Variants in SLC9A7 observed in about 807,000 individuals in gnomAD.
SLC9A7 encodes the protein solute carrier family 9 member A7, also known as sodium/hydrogen exchanger 7.
A neutral mutation model predicts 52.6 loss-of-function variants in SLC9A7; 19 were observed. That is an observed-to-expected ratio of 0.36 (90% CI 0.25 to 0.53). The LOEUF is 0.53. Ranked by LOEUF, SLC9A7 falls within the 20% of genes least tolerant of loss-of-function variation. The pLI, the probability that SLC9A7 is intolerant of heterozygous loss-of-function variation, is 0.91. For synonymous variants in SLC9A7, 226 were observed against 252.1 expected (o/e 0.90, Z 0.98); for missense variants, 455 against 597.9 (o/e 0.76, Z 2.49).
chrX:46,737,128 G>T (rs1021269419), intron 1 of SLC9A7, among the ~76,000 whole-genome samples: 2 of 111,576 alleles, frequency 1.8e-5, no homozygotes, highest in African/African-American at 6.5e-5. Context: ...TCTTCCTGCA[G>T]ATTAAGACTT....
chrX:46,618,825 TC>T (rs1444493347), intron 15 of SLC9A7, among the ~76,000 whole-genome samples: 1 of 109,747 alleles, frequency 9.1e-6, no homozygotes. Flanking sequence ...GTGCCTGTAA[TC>T]CCAGCTACTC....
intron 7 of SLC9A7, among the ~76,000 whole-genome samples, chrX:46,655,202 C>G (rs1243351608): frequency 1.8e-5 from 2 of 110,571 alleles, no homozygotes. Context: ...CCAAGCTGGT[C>G]TCAAACTCCT....
At chrX:46,732,062 GA>G (rs995071724) in intron 1 of SLC9A7, among the ~76,000 whole-genome samples, 5 of 102,495 alleles carry the variant, frequency 4.9e-5, no homozygotes, top group Admixed American at 1.1e-4. Flanking sequence ...TCTACTGAAA[GA>G]AAAAAAAAAT....
chrX:46,730,691 TATATATA>T (rs1945022128), intron 1 of SLC9A7, among the ~76,000 whole-genome samples: 1 of 72,482 alleles, frequency 1.4e-5, no homozygotes, highest in Admixed American at 1.8e-4. Context: ...TATATATATA[TATATATA>T]TATATATATA....
In SLC9A7 at chrX:46,613,370, G is replaced by T. The variant is rs373934654; in HGVS notation, c.1848C>A (p.His616Gln). The T allele has an allele frequency of 4.2e-6, 5 of 1,199,462 alleles. No individual in the cohort carries two copies. The highest frequency in any genetic ancestry group is 5.6e-6 in the Non-Finnish European group (5 of 888,830). The change falls in exon 16 of 17, where the codon CAC becomes CAA. Residue 616 changes from histidine (H) to glutamine (Q), a missense_variant. By Grantham distance (24) the His-to-Gln change is conservative. Coordinates refer to ENST00000616978, the MANE Select transcript of SLC9A7 (RefSeq NM_001257291.2). ...GCGTGGTGGTTAGTGGGGGACCACT[G>T]TGTGTGAGGATGGGCTTCAGGTAAC... ...DHNYLKPILT[H>Q]SGPPLTTTLP...
At chrX:46,615,959 G>T (rs1942941140) in intron 15 of SLC9A7, among the ~76,000 whole-genome samples, 1 of 109,546 alleles carries the variant, frequency 9.1e-6, no homozygotes, top group African/African-American at 3.3e-5. Flanking sequence ...TATAACATTT[G>T]CTTTCTACTT....
At chrX:46,710,619 GAAAA>G (rs772756390) in intron 1 of SLC9A7, among the ~76,000 whole-genome samples, 1 of 109,628 alleles carries the variant, frequency 9.1e-6, no homozygotes, top group Non-Finnish European at 1.9e-5. Flanking sequence ...AATACTGTGG[GAAAA>G]AAAAGAGAGA....
intron 16 of SLC9A7, among the ~76,000 whole-genome samples, chrX:46,608,115 G>A (rs1014875677): frequency 8.9e-6 from 1 of 112,376 alleles, no homozygotes; most frequent in African/African-American, 3.2e-5. Flanking sequence ...CAGGGCCCCC[G>A]CGCAGTCACA....
intron 7 of SLC9A7, among the ~76,000 whole-genome samples, chrX:46,657,243 A>G (rs1198384244): frequency 1.8e-5 from 2 of 111,287 alleles, no homozygotes; most frequent in Non-Finnish European, 3.8e-5. Context: ...AGAAAGGAAC[A>G]ACCGGTACCA....
At chrX:46,633,383 A>AAAAAAAAAAAAAAAAAAAAAAGGG (rs1943261889) in intron 13 of SLC9A7, among the ~76,000 whole-genome samples, 1 of 72,204 alleles carries the variant, frequency 1.4e-5, no homozygotes, top group African/African-American at 5.8e-5. Flanking sequence ...AAAAAAAAAC[A>AAAAAAAAAAAAAAAAAAAAAAGGG]GATCGGGGCC....
intron 1 of SLC9A7, among the ~76,000 whole-genome samples, chrX:46,738,187 T>C (rs1448716741): frequency 8.9e-6 from 1 of 112,659 alleles, no homozygotes; most frequent in African/African-American, 3.2e-5. Context: ...TAACTAATAG[T>C]CTCACCTGAG....
chrX:46,670,080 G>A, intron 4 of SLC9A7, among the ~76,000 whole-genome samples: 1 of 111,488 alleles, frequency 9.0e-6, no homozygotes, highest in South Asian at 3.8e-4. Context: ...GTAGCAATAA[G>A]TTGCTACAAA....
chrX:46,717,894 C>T (rs924687577), intron 1 of SLC9A7, among the ~76,000 whole-genome samples: 5 of 111,287 alleles, frequency 4.5e-5, no homozygotes, highest in Non-Finnish European at 9.4e-5. Context: ...AGATTCAATG[C>T]CACCCCCAAT....
At chrX:46,686,017 ACTC>A (rs1183249445) in intron 1 of SLC9A7, among the ~76,000 whole-genome samples, 1 of 111,855 alleles carries the variant, frequency 8.9e-6, no homozygotes, top group Admixed American at 9.5e-5. Flanking sequence ...CATGAATACT[ACTC>A]TAACAAGAGA....
chrX:46,673,355 AAC>A (rs57016133), intron 3 of SLC9A7, among the ~76,000 whole-genome samples: 38,922 of 102,270 alleles, frequency 0.38, 6,047 homozygotes, highest in East Asian at 0.64. Flanking sequence ...TAAAAATATA[AAC>A]ACACACACAC....
Position 46,626,781 on chromosome X carries a change from C to T in SLC9A7, c.1740+4805G>A, listed in dbSNP as rs148656690. ...CCCTTGCTCTCTCTCTCTCCTGCTC[C>T]GCTATGGTAAGATGTGTTTGCTTCC... On this transcript the variant is annotated intron_variant, in intron 14 of 16. Coordinates refer to ENST00000616978, the MANE Select transcript of SLC9A7 (RefSeq NM_001257291.2). Among the ~76,000 whole-genome samples the T allele has an allele frequency of 1.1e-3, 124 of 112,243 alleles. 4 individuals carry two copies. In the East Asian group the frequency reaches 0.032, roughly 29 times the overall value.
At chrX:46,608,449 C>A (rs181654495) in intron 16 of SLC9A7, among the ~76,000 whole-genome samples, 2 of 112,318 alleles carry the variant, frequency 1.8e-5, no homozygotes, top group Admixed American at 9.4e-5. Flanking sequence ...GGCAAGCACG[C>A]AACTCCTCTC....
At chrX:46,720,394 C>A (rs184415223) in intron 1 of SLC9A7, among the ~76,000 whole-genome samples, 1 of 110,596 alleles carries the variant, frequency 9.0e-6, no homozygotes, top group Admixed American at 9.7e-5. Context: ...ATTATCATTA[C>A]TCTGGTTCAA....
chrX:46,697,742 A>G (rs1944468120), intron 1 of SLC9A7, among the ~76,000 whole-genome samples: 1 of 112,408 alleles, frequency 8.9e-6, no homozygotes, highest in Non-Finnish European at 1.9e-5. Context: ...ACAGGATAAC[A>G]GCAATGTTTA....
Sources: gnomAD v4.1 joint callset for allele counts (sites outside exome capture counted in the v4.1 genomes callset) on GRCh38, gnomAD v4.1.1 for gene constraint, MANE v1.5 for transcripts, NCBI Gene and HGNC (gene_info 2026-07-23, HGNC 2026-07-21) for gene names.